KCNIP4: variants seen among roughly 807,000 people sequenced by gnomAD.
The protein encoded by KCNIP4 is Kv channel-interacting protein 4.
In KCNIP4, 12 loss-of-function variants were observed where a neutral mutation model predicts 34.0. The ratio of observed to expected loss-of-function variants is 0.35; its 90% CI spans 0.23 to 0.57. The LOEUF is 0.57. Ranked by LOEUF, KCNIP4 falls within the 20% of genes least tolerant of loss-of-function variation. The pLI, the probability that KCNIP4 is intolerant of heterozygous loss-of-function variation, is 0.83. For missense variants in KCNIP4, 238 were observed against 311.7 expected, an observed-to-expected ratio of 0.76 and a Z score of 1.78; for synonymous variants, 124 against 102.2, an observed-to-expected ratio of 1.21 and a Z score of -1.29.
chr4:20,850,831 G>T, intron 2 of KCNIP4, 164 bp from the exon 3 acceptor site: 1 of 642,926 alleles, frequency 1.6e-6, no homozygotes, highest in Non-Finnish European at 2.4e-6. Flanking sequence ...CCCAGTTTAA[G>T]CGTATTAAGC....
At chr4:21,905,034 T>A (rs190501018) in intron 1 of KCNIP4, among the ~76,000 whole-genome samples, 1 of 152,322 alleles carries the variant, frequency 6.6e-6, no homozygotes, top group African/African-American at 2.4e-5. Context: ...GATTATGTTA[T>A]CTCTTCAATA....
chr4:21,030,280 C>T (rs1740905385), intron 1 of KCNIP4, among the ~76,000 whole-genome samples: 1 of 152,070 alleles, frequency 6.6e-6, no homozygotes, highest in Non-Finnish European at 1.5e-5. Flanking sequence ...GTTGTGTGCT[C>T]CTTATGAGAA....
chr4:20,995,106 T>C (rs1272659525), intron 1 of KCNIP4, among the ~76,000 whole-genome samples: 1 of 152,180 alleles, frequency 6.6e-6, no homozygotes, highest in Non-Finnish European at 1.5e-5. Flanking sequence ...TTCTTTACCG[T>C]AGGCTATTTT....
intron 1 of KCNIP4, among the ~76,000 whole-genome samples, chr4:21,519,460 ATGTG>A (rs1167992627): frequency 1.5e-5 from 1 of 68,370 alleles, no homozygotes; most frequent in Admixed American, 1.5e-4. Context: ...ATATACACAT[ATGTG>A]TGTATGTGTA....
chr4:21,625,380 C>A (rs1745254254), intron 1 of KCNIP4, among the ~76,000 whole-genome samples: 2 of 151,948 alleles, frequency 1.3e-5, no homozygotes, highest in South Asian at 4.1e-4. Context: ...ATAATTATCC[C>A]ATTTGTAAAA....
chr4:20,753,502 A>G (rs1350761526), intron 4 of KCNIP4, among the ~76,000 whole-genome samples: 1 of 152,190 alleles, frequency 6.6e-6, no homozygotes, highest in African/African-American at 2.4e-5. Flanking sequence ...TTCGTTCTTC[A>G]TAGTATTTGA....
At chr4:20,739,334 A>G (rs1300147462) in intron 5 of KCNIP4, among the ~76,000 whole-genome samples, 2 of 152,190 alleles carry the variant, frequency 1.3e-5, no homozygotes, top group Non-Finnish European at 2.9e-5. Context: ...ACCTCCTAGT[A>G]GGGGCAGACT....
chr4:20,898,512 T>C (rs1028789220), intron 1 of KCNIP4, among the ~76,000 whole-genome samples: 6 of 152,208 alleles, frequency 3.9e-5, no homozygotes, highest in African/African-American at 1.4e-4. Flanking sequence ...TCAGGACATT[T>C]GGTAGCCTTA....
rs138798566 is a variant in KCNIP4 at position 21,930,384 on chromosome 4, C to A, written c.61+18187G>T. Among the ~76,000 whole-genome samples the A allele has an allele frequency of 4.7e-4, 72 of 152,246 alleles. 1 individual carries two copies. The East Asian group carries it at 0.014, about 29-fold the overall frequency. On this transcript the variant is annotated intron_variant, in intron 1 of 8. Transcript: ENST00000382152. ...CCATTTTTCTAACTAGTTCCCATGA[C>A]TTCTATGGAACTGCCTCATAATTTC...
At chr4:21,806,581 C>T (rs75208731) in intron 1 of KCNIP4, among the ~76,000 whole-genome samples, 2 of 152,178 alleles carry the variant, frequency 1.3e-5, no homozygotes, top group East Asian at 1.9e-4. Context: ...CTACCTGTCA[C>T]ATTTCAGGCA....
Position 20,769,547 on chromosome 4 carries a change from C to G in KCNIP4, c.289-10657G>C, listed in dbSNP as rs142623418. Reference sequence around the variant, plus strand: ...AAAAAAAGACAATGGTGCCCTGGGACAAAGCCTATGTATCAGTTTTCTATT... The same window carrying G: ...AAAAAAAGACAATGGTGCCCTGGGAGAAAGCCTATGTATCAGTTTTCTATT... On this transcript the variant is annotated intron_variant, in intron 3 of 8. Coordinates refer to ENST00000382152, the MANE Select transcript of KCNIP4 (RefSeq NM_025221.6). 5.0e-3 allele frequency among the ~76,000 whole-genome samples: 760 copies of G among 152,284 alleles called. 7 individuals are homozygous for G. Among genetic ancestry groups the G allele is most frequent in the South Asian group, 0.039 (189 of 4,822 alleles).
intron 1 of KCNIP4, among the ~76,000 whole-genome samples, chr4:21,007,861 A>C (rs1202098883): frequency 1.3e-5 from 2 of 152,234 alleles, no homozygotes; most frequent in African/African-American, 4.8e-5. Context: ...CCTGAAGCAC[A>C]CTTGTTTATT....
chr4:21,076,086 C>T (rs1266751743), intron 1 of KCNIP4, among the ~76,000 whole-genome samples: 1 of 152,100 alleles, frequency 6.6e-6, no homozygotes, highest in Non-Finnish European at 1.5e-5. Context: ...TCCTTCATTT[C>T]AACTTTGGTG....
intron 1 of KCNIP4, among the ~76,000 whole-genome samples, chr4:21,451,562 G>A (rs1728508016): frequency 6.6e-6 from 1 of 152,146 alleles, no homozygotes; most frequent in African/African-American, 2.4e-5. Context: ...TTAAAAATGT[G>A]AATGTCCTTT....
chr4:21,694,324 T>C (rs1385974577), intron 1 of KCNIP4, among the ~76,000 whole-genome samples: 1 of 152,112 alleles, frequency 6.6e-6, no homozygotes, highest in South Asian at 2.1e-4. Context: ...AAGAGGCAGA[T>C]CTCAAGCTGA....
intron 1 of KCNIP4, among the ~76,000 whole-genome samples, chr4:21,579,830 T>C (rs1230245283): frequency 2.0e-5 from 3 of 152,176 alleles, no homozygotes; most frequent in South Asian, 2.1e-4. Flanking sequence ...TCCTGACTCA[T>C]GTAGCAGAAC....
chr4:20,810,464 G>GGA (rs10562717), intron 3 of KCNIP4, among the ~76,000 whole-genome samples: 69 of 142,378 alleles, frequency 4.8e-4, no homozygotes, highest in Non-Finnish European at 7.1e-4. Flanking sequence ...GAGGAAGGGG[G>GGA]GAGAGAGAGA....
chr4:21,284,719 C>T (rs894628154), intron 1 of KCNIP4, among the ~76,000 whole-genome samples: 9 of 146,872 alleles, frequency 6.1e-5, no homozygotes, highest in East Asian at 3.9e-4. Flanking sequence ...CCTGTTACTG[C>T]GCATGTGGGT....
intron 1 of KCNIP4, among the ~76,000 whole-genome samples, chr4:21,043,815 T>C (rs900760642): frequency 3.9e-5 from 6 of 152,196 alleles, no homozygotes; most frequent in Non-Finnish European, 7.4e-5. Context: ...AATCCTCATA[T>C]GATGTGAGGA....
Sources: allele counts gnomAD v4.1 joint callset (sites outside exome capture counted in the v4.1 genomes callset), GRCh38; gene constraint gnomAD v4.1.1; transcripts MANE v1.5; gene names NCBI Gene and HGNC (gene_info 2026-07-23, HGNC 2026-07-21).